GPD2: variants seen among roughly 807,000 people sequenced by gnomAD.
GPD2 encodes glycerol-3-phosphate dehydrogenase, mitochondrial.
In GPD2, 54 loss-of-function variants were observed where a neutral mutation model predicts 82.4. The observed-to-expected ratio is 0.66, with a 90% CI of 0.53 to 0.82. The LOEUF (loss-of-function observed/expected upper bound fraction) is 0.82. Among genes scored for constraint, GPD2 ranks in the 40% least tolerant of loss-of-function variants. The pLI is 0.00. For missense variants in GPD2, 748 were observed against 896.2 expected, an observed-to-expected ratio of 0.83 and a Z score of 2.11; for synonymous variants, 288 against 306.1, an observed-to-expected ratio of 0.94 and a Z score of 0.62.
chr2:156,513,228 G>A (rs1401861824), intron 5 of GPD2, 105 bp from the exon 6 acceptor site: 2 of 869,752 alleles, frequency 2.3e-6, no homozygotes, highest in South Asian at 2.7e-5. Context: ...TCCACTTCTA[G>A]GTATGCTTTG....
At chr2:156,516,410 G>A (rs538467262) in intron 6 of GPD2, among the ~76,000 whole-genome samples, 1 of 152,294 alleles carries the variant, frequency 6.6e-6, no homozygotes, top group South Asian at 2.1e-4. Flanking sequence ...TGAGAAAGTG[G>A]CGTAAGTAAT....
intron 6 of GPD2, among the ~76,000 whole-genome samples, chr2:156,544,929 CACAA>C (rs750260357): frequency 7.0e-4 from 106 of 152,340 alleles, no homozygotes; most frequent in African/African-American, 2.3e-3. Context: ...TCACTCCTCA[CACAA>C]ACAATCACTT....
intron 2 of GPD2, among the ~76,000 whole-genome samples, chr2:156,476,808 C>T (rs979565959): frequency 5.3e-5 from 8 of 152,058 alleles, no homozygotes; most frequent in Admixed American, 2.0e-4. Context: ...AACTGATGCC[C>T]GGAAATAATT....
At chr2:156,490,396 A>AC (rs1364618684) in intron 2 of GPD2, among the ~76,000 whole-genome samples, 3 of 151,896 alleles carry the variant, frequency 2.0e-5, no homozygotes, top group Admixed American at 6.6e-5. Context: ...GGAAAAAAAA[A>AC]AAAAACAAAA....
chr2:156,413,210 A>G, the GPD2 span, among the ~76,000 whole-genome samples: 1 of 152,174 alleles, frequency 6.6e-6, no homozygotes, highest in Non-Finnish European at 1.5e-5. Context: ...GCTCGTAAAA[A>G]TGGCAACTCT....
chr2:156,406,643 A>C, the GPD2 span, among the ~76,000 whole-genome samples: 1 of 152,116 alleles, frequency 6.6e-6, no homozygotes, highest in East Asian at 1.9e-4. Context: ...TTTATTCCAA[A>C]ATTGAATTAA....
chr2:156,550,532 T>A, intron 7 of GPD2, 70 bp from the exon 8 acceptor site: 2 of 1,446,902 alleles, frequency 1.4e-6, no homozygotes, highest in South Asian at 1.1e-5. Context: ...AATAGATGAA[T>A]TAGTAATACA....
the GPD2 span, among the ~76,000 whole-genome samples, chr2:156,427,032 A>G: frequency 0.58 from 87,673 of 152,060 alleles, 25,580 homozygotes; most frequent in East Asian, 0.76. Flanking sequence ...TGCAATCTCA[A>G]TCAACCCCTG....
intron 1 of GPD2, among the ~76,000 whole-genome samples, chr2:156,438,197 C>A (rs1682018821): frequency 6.6e-6 from 1 of 152,170 alleles, no homozygotes; most frequent in Admixed American, 6.5e-5. Context: ...CAAACTCCAG[C>A]TGAGGGTAGT....
chr2:156,526,974 G>A (rs1273815858), intron 6 of GPD2, among the ~76,000 whole-genome samples: 1 of 152,104 alleles, frequency 6.6e-6, no homozygotes, highest in Non-Finnish European at 1.5e-5. Context: ...GTTTCTCTCT[G>A]CTGTACCCAT....
chr2:156,569,592 CAGTGACAGA>C (rs1478745650), intron 11 of GPD2, 54 bp downstream of exon 11: 7 of 1,350,568 alleles, frequency 5.2e-6, no homozygotes, highest in Non-Finnish European at 6.4e-6. Context: ...TCACTGCTGC[CAGTGACAGA>C]ACTGGCAGCA....
chr2:156,580,207 A>G (rs1460631972), intron 16 of GPD2, among the ~76,000 whole-genome samples: 3 of 152,220 alleles, frequency 2.0e-5, no homozygotes, highest in Non-Finnish European at 4.4e-5. Flanking sequence ...TTTAAAAAGT[A>G]TGGTTCTATT....
At chr2:156,455,575 C>T (rs1351809439) in intron 1 of GPD2, among the ~76,000 whole-genome samples, 1 of 152,188 alleles carries the variant, frequency 6.6e-6, no homozygotes, top group African/African-American at 2.4e-5. Context: ...CCCTCTTGTT[C>T]TTGAAAATGA....
At chr2:156,407,537 T>C in the GPD2 span, among the ~76,000 whole-genome samples, 29,976 of 152,074 alleles carry the variant, frequency 0.2, 3,353 homozygotes, top group Non-Finnish European at 0.25. Flanking sequence ...CTCACAATAA[T>C]AAGCAGTACC....
At chr2:156,454,980 C>G (rs1011769215) in intron 1 of GPD2, among the ~76,000 whole-genome samples, 5 of 151,944 alleles carry the variant, frequency 3.3e-5, no homozygotes, top group African/African-American at 1.2e-4. Flanking sequence ...GCATGAGGTG[C>G]TCTTAGGGCC....
chr2:156,490,440 G>T (rs1684134566), intron 2 of GPD2, among the ~76,000 whole-genome samples: 1 of 149,506 alleles, frequency 6.7e-6, no homozygotes, highest in Non-Finnish European at 1.5e-5. Flanking sequence ...GTGTCAGAAA[G>T]TAAATAAATT....
chr2:156,493,921 T>A (rs1684272041), intron 2 of GPD2, among the ~76,000 whole-genome samples: 1 of 116,440 alleles, frequency 8.6e-6, no homozygotes, highest in African/African-American at 2.9e-5. Flanking sequence ...TTGTTATATA[T>A]ATGTATGTGT....
chr2:156,529,774 C>T (rs1292172154), intron 6 of GPD2, among the ~76,000 whole-genome samples: 2 of 151,526 alleles, frequency 1.3e-5, no homozygotes, highest in Non-Finnish European at 2.9e-5. Flanking sequence ...TTTCTGAGGG[C>T]TCTGTTCTGT....
intron 2 of GPD2, among the ~76,000 whole-genome samples, chr2:156,494,306 T>G (rs906704169): frequency 3.3e-5 from 5 of 152,164 alleles, no homozygotes; most frequent in Admixed American, 3.3e-4. Context: ...ACCAGTGACT[T>G]TCAGATTATT....
Sources: gnomAD v4.1 joint callset for allele counts (sites outside exome capture counted in the v4.1 genomes callset) on GRCh38, gnomAD v4.1.1 for gene constraint, MANE v1.5 for transcripts, NCBI Gene and HGNC (gene_info 2026-07-23, HGNC 2026-07-21) for gene names.